Variants in SPIRE1 observed in about 807,000 individuals in gnomAD.
SPIRE1 encodes spire type actin nucleation factor 1.
SPIRE1 carries 40 observed loss-of-function variants against 94.1 expected under a neutral mutation model. That is an observed-to-expected ratio of 0.43 (90% confidence interval 0.33 to 0.55). The LOEUF (loss-of-function observed/expected upper bound fraction) is 0.55. Among genes scored for constraint, SPIRE1 ranks in the 20% least tolerant of loss-of-function variants. The probability of loss-of-function intolerance (pLI) is 0.06; values close to 1 mark genes in which losing one functional copy is unlikely to be tolerated. For synonymous variants in SPIRE1, 376 were observed against 371.7 expected (o/e 1.01, Z -0.13); for missense variants, 838 against 975.2 (o/e 0.86, Z 1.87).
At chr18:12,639,226 T>C (rs1049411257) in intron 1 of SPIRE1, among the ~76,000 whole-genome samples, 4 of 151,448 alleles carry the variant, frequency 2.6e-5, no homozygotes, top group Admixed American at 2.6e-4. Context: ...GGTTCAGGCA[T>C]TGCACTCCAC....
Position 12,479,871 on chromosome 18 carries a change from T to C in SPIRE1, c.1232A>G (p.Asp411Gly). Residue 411 changes from aspartate to glycine, a missense_variant and splice_region_variant, in exon 10 of 17, where the codon GAT becomes GGT. Asp to Gly is a moderately conservative substitution (Grantham distance 94). Coordinates refer to ENST00000409402, the MANE Select transcript of SPIRE1 (RefSeq NM_001128626.2). ...LSMSYSFDLS[D>G]VTTPESTKNL... ...CTTTGTAGATTCAGGGGTAGTCACA[T>C]CTGGTAAAAAAGCAAAAGCTTACCT... 1 of 1,611,162 alleles carries C rather than the reference T, an allele frequency of 6.2e-7. No homozygotes were observed. The highest frequency in any genetic ancestry group is 8.5e-7 in the Non-Finnish European group (1 of 1,179,174).
At position 12,624,831 on chromosome 18, in the gene SPIRE1, C is replaced by CA. The variant is rs71371282; in HGVS notation, c.372+10230dup. ...TGGGCGACAGAGTGAGACTCCATCT[C>CA]AAAAAAAAAAAAAAGTAATTATAAA... On this transcript the variant is annotated intron_variant, in intron 2 of 16. Transcript: ENST00000409402. 1.2e-3 allele frequency among the ~76,000 whole-genome samples: 156 copies of CA among 132,874 alleles called. 4 individuals are homozygous for CA. The highest frequency in any genetic ancestry group is 1.1e-3 in the Non-Finnish European group (70 of 63,464). 87.2% of individuals were successfully genotyped at this position (132,874 alleles called of 152,430 possible).
chr18:12,624,007 T>G (rs371517127), intron 2 of SPIRE1, among the ~76,000 whole-genome samples: 17 of 150,698 alleles, frequency 1.1e-4, no homozygotes, highest in East Asian at 1.0e-3. Context: ...CACTGCAACC[T>G]CTGCCTCAAG....
intron 16 of SPIRE1, among the ~76,000 whole-genome samples, 181 bp downstream of exon 16, chr18:12,452,074 T>C (rs2031267591): frequency 6.6e-6 from 1 of 152,200 alleles, no homozygotes; most frequent in African/African-American, 2.4e-5. Flanking sequence ...TAGCTAGCCA[T>C]TATTCCTTGA....
At position 12,452,270 on chromosome 18, in the gene SPIRE1, A is replaced by C. The variant is rs1426827927; in HGVS notation, c.1997T>G (p.Leu666Arg). ...CCTTGCTCACCTGGCAATGCTCCGAAGTGGCCGATGATGGGCAGTGGAGGG... is the reference window on the plus strand; with the variant it reads ...CCTTGCTCACCTGGCAATGCTCCGACGTGGCCGATGATGGGCAGTGGAGGG... ...EKPSTAHHRP[L>R]RSIARFSSKS... is the part of the protein sequence containing the mutation. Residue 666 changes from leucine to arginine, a missense_variant, in exon 16 of 17, where the codon CTT becomes CGT. Around this residue, in one of 2 missense-constraint regions of SPIRE1, gnomAD observed 645 missense variants for 804.7 expected, o/e 0.80. Transcript: ENST00000409402. 6.2e-7 allele frequency: 1 copy of C among 1,613,974 alleles called. No homozygotes were observed. The highest frequency in any genetic ancestry group is 1.7e-5 in the Admixed American group (1 of 60,010).
chr18:12,591,116 G>A (rs773790709), intron 2 of SPIRE1, among the ~76,000 whole-genome samples: 13 of 152,198 alleles, frequency 8.5e-5, no homozygotes, highest in Non-Finnish European at 1.8e-4. Context: ...GGCTATTAGG[G>A]TAGTAGTTTG....
chr18:12,608,180 C>T (rs72879337), intron 2 of SPIRE1, among the ~76,000 whole-genome samples: 5,615 of 150,428 alleles, frequency 0.037, 144 homozygotes, highest in Non-Finnish European at 0.059. Flanking sequence ...AAAAATCTCA[C>T]CTACTCCATA....
chr18:12,464,313 T>C (rs200123461), intron 11 of SPIRE1, among the ~76,000 whole-genome samples: 3 of 129,976 alleles, frequency 2.3e-5, no homozygotes, highest in African/African-American at 5.9e-5. Flanking sequence ...ATAATAAAAC[T>C]ACTTAAAGAA....
intron 2 of SPIRE1, among the ~76,000 whole-genome samples, chr18:12,567,013 C>A (rs1218814309): frequency 2.6e-5 from 4 of 152,064 alleles, no homozygotes; most frequent in Non-Finnish European, 4.4e-5. Context: ...TGGCATTTAT[C>A]CCAGGTATGC....
At chr18:12,474,714 C>T (rs1568193073) in intron 10 of SPIRE1, among the ~76,000 whole-genome samples, 8 of 152,066 alleles carry the variant, frequency 5.3e-5, no homozygotes, top group African/African-American at 2.4e-5. Context: ...CCCAGCTACT[C>T]GGGAGGCTGA....
chr18:12,594,049 A>G (rs569730403), intron 2 of SPIRE1, among the ~76,000 whole-genome samples: 7 of 152,214 alleles, frequency 4.6e-5, no homozygotes, highest in Non-Finnish European at 8.8e-5. Flanking sequence ...TATGATGCAC[A>G]TTGGAAGGAC....
rs1179315880 is a variant in SPIRE1 at position 12,502,327 on chromosome 18, T to C, written c.972+4150A>G. ...GATGACAGTTAAAATACATTAATGA[T>C]AAATCAAATAGAAATGTTAATTATC... On this transcript the variant is annotated intron_variant, in intron 6 of 16. Transcript: ENST00000409402. 2.6e-5 allele frequency among the ~76,000 whole-genome samples: 4 copies of C among 152,290 alleles called. No homozygotes were observed. The East Asian group carries it at 7.7e-4, about 29-fold the overall frequency.
At chr18:12,493,630 C>A (rs2033325796) in intron 7 of SPIRE1, among the ~76,000 whole-genome samples, 1 of 152,122 alleles carries the variant, frequency 6.6e-6, no homozygotes, top group Non-Finnish European at 1.5e-5. Flanking sequence ...TGGTCTCGAT[C>A]TCCTGATCTC....
At chr18:12,591,968 C>CAAAA (rs35668057) in intron 2 of SPIRE1, among the ~76,000 whole-genome samples, 26 of 67,436 alleles carry the variant, frequency 3.9e-4, no homozygotes, top group African/African-American at 6.3e-4. Flanking sequence ...GACTCCATCT[C>CAAAA]AAAAAAAAAA....
intron 2 of SPIRE1, among the ~76,000 whole-genome samples, chr18:12,594,118 T>C (rs2036608527): frequency 6.6e-6 from 1 of 152,132 alleles, no homozygotes; most frequent in South Asian, 2.1e-4. Context: ...TTTTAACAAA[T>C]GTGTATTAGC....
At chr18:12,601,110 C>CT (rs765194989) in intron 2 of SPIRE1, among the ~76,000 whole-genome samples, 4 of 152,120 alleles carry the variant, frequency 2.6e-5, no homozygotes, top group Non-Finnish European at 4.4e-5. Flanking sequence ...CTTGTGACCT[C>CT]TCCCATAACT....
At chr18:12,640,194 A>G (rs2038048372) in intron 1 of SPIRE1, among the ~76,000 whole-genome samples, 1 of 152,234 alleles carries the variant, frequency 6.6e-6, no homozygotes, top group Non-Finnish European at 1.5e-5. Context: ...TATCAATATG[A>G]TTCAAACTAG....
chr18:12,634,059 T>C (rs1471147542), intron 2 of SPIRE1, among the ~76,000 whole-genome samples: 1 of 151,928 alleles, frequency 6.6e-6, no homozygotes, highest in Non-Finnish European at 1.5e-5. Context: ...CCATCCTGGC[T>C]AACACGGTGA....
intron 2 of SPIRE1, among the ~76,000 whole-genome samples, chr18:12,547,509 A>G (rs936294992): frequency 6.6e-6 from 1 of 152,180 alleles, no homozygotes; most frequent in African/African-American, 2.4e-5. Context: ...CACCTCGACA[A>G]CTGCTCCAGA....
Sources: gnomAD v4.1 joint callset for allele counts (sites outside exome capture counted in the v4.1 genomes callset) on GRCh38, gnomAD v4.1.1 for gene constraint, gnomAD v4.1.1 regional missense constraint, MANE v1.5 for transcripts, NCBI Gene and HGNC (gene_info 2026-07-23, HGNC 2026-07-21) for gene names.